The following NTRK3 variants were observed in gnomAD, a reference collection of about 807,000 sequenced individuals.
NTRK3 encodes NT-3 growth factor receptor.
Under a neutral mutation model 91.7 loss-of-function variants are expected in NTRK3, and 24 were observed. The observed-to-expected ratio is 0.26, with a 90% confidence interval of 0.19 to 0.37. The LOEUF is 0.37. NTRK3 is among the 10% of genes least tolerant of loss of function. The pLI, the probability that NTRK3 is intolerant of heterozygous loss-of-function variation, is 1.00. For synonymous variants in NTRK3, 483 were observed against 404.0 expected, an observed-to-expected ratio of 1.20 and a Z score of -2.34; for missense variants, 880 against 1,068.9, an observed-to-expected ratio of 0.82 and a Z score of 2.46.
At chr15:88,049,749 T>G (rs2080625109) in intron 13 of NTRK3, among the ~76,000 whole-genome samples, 1 of 152,226 alleles carries the variant, frequency 6.6e-6, no homozygotes, top group African/African-American at 2.4e-5. Context: ...GACACTGTGG[T>G]GCAGCTGAGG....
intron 13 of NTRK3, among the ~76,000 whole-genome samples, chr15:88,081,788 A>C (rs1427643754): frequency 1.3e-5 from 2 of 152,176 alleles, no homozygotes; most frequent in African/African-American, 4.8e-5. Flanking sequence ...AACAGCCCCC[A>C]ACCTCCAGGG....
chr15:88,006,796 A>G (rs952230949), intron 14 of NTRK3, among the ~76,000 whole-genome samples: 3 of 152,214 alleles, frequency 2.0e-5, no homozygotes, highest in Non-Finnish European at 2.9e-5. Flanking sequence ...AAATGCACAC[A>G]TGACATACAG....
chr15:88,134,321 A>G (rs1597500199), intron 10 of NTRK3, among the ~76,000 whole-genome samples: 1 of 152,326 alleles, frequency 6.6e-6, no homozygotes, highest in East Asian at 1.9e-4. Flanking sequence ...CTCCAACTTC[A>G]GGGAGATATT....
At chr15:87,954,371 T>C (rs16941068) in intron 14 of NTRK3, among the ~76,000 whole-genome samples, 5,187 of 152,292 alleles carry the variant, frequency 0.034, 308 homozygotes, top group African/African-American at 0.12. Flanking sequence ...GTATGGAGGC[T>C]GAATGACCAG....
rs572433976 is a variant in NTRK3 at position 88,168,349 on chromosome 15, G to A, written c.395+15069C>T. Among the ~76,000 whole-genome samples the A allele has an allele frequency of 2.6e-5, 4 of 152,192 alleles. No homozygotes were observed. In the South Asian group the frequency reaches 8.3e-4, roughly 32 times the overall value. ...GTCTGCACCAATGAGGGAGCCGGGG[G>A]AGAAGAAGAGTGGAGATGGGTGGGA... On this transcript the variant is annotated intron_variant, in intron 5 of 18. Coordinates refer to ENST00000394480, the Ensembl canonical transcript of NTRK3.
At chr15:87,920,774 G>C (rs772266236) in intron 17 of NTRK3, among the ~76,000 whole-genome samples, 2 of 152,104 alleles carry the variant, frequency 1.3e-5, no homozygotes, top group African/African-American at 2.4e-5. Context: ...GGCTCCTAAG[G>C]GTGCATCGAG....
chr15:88,002,947 C>CA (rs1440959516), intron 14 of NTRK3, among the ~76,000 whole-genome samples: 1 of 152,130 alleles, frequency 6.6e-6, no homozygotes, highest in Non-Finnish European at 1.5e-5. Context: ...TCCCAGACCT[C>CA]AAGTACCACT....
At chr15:87,994,874 G>A (rs1021798076) in intron 14 of NTRK3, among the ~76,000 whole-genome samples, 9 of 152,114 alleles carry the variant, frequency 5.9e-5, no homozygotes, top group African/African-American at 2.2e-4. Flanking sequence ...TTTAGATGTG[G>A]GCACTGGTAT....
chr15:88,015,802 G>A (rs1201051734), intron 14 of NTRK3, among the ~76,000 whole-genome samples: 1 of 152,076 alleles, frequency 6.6e-6, no homozygotes, highest in Non-Finnish European at 1.5e-5. Context: ...TTTTTCTCCT[G>A]CACTATGTTT....
At position 88,255,955 on chromosome 15, in the gene NTRK3, C is replaced by A. The variant is rs2054018291; in HGVS notation, c.199G>T (p.Gly67Trp). 6.2e-7 allele frequency: 1 copy of A among 1,613,380 alleles called. No individual in the cohort carries two copies. The highest frequency in any genetic ancestry group is 1.3e-5 in the African/African-American group (1 of 74,826). The change falls in exon 3 of 19, where the codon GGG becomes TGG. Residue 67 changes from glycine to tryptophan, a missense_variant. Around this residue, in one of 3 missense-constraint regions of NTRK3, gnomAD observed 743 missense variants for 868.6 expected, o/e 0.86. Transcript: ENST00000394480. The surrounding 1 kb of genome is among the most constrained non-coding windows in gnomAD (Gnocchi z 4.3). Reference sequence around the variant, plus strand: ...TCCGTGATGTTGATACTGGCGTTCCCATTGCTGTTCCCTGAATCCTGCCCT... The same window carrying A: ...TCCGTGATGTTGATACTGGCGTTCCAATTGCTGTTCCCTGAATCCTGCCCT...
intron 13 of NTRK3, among the ~76,000 whole-genome samples, chr15:88,045,737 C>T (rs766824584): frequency 1.8e-4 from 28 of 152,222 alleles, no homozygotes; most frequent in Non-Finnish European, 3.7e-4. Flanking sequence ...TTGGTGGCTG[C>T]CAATCCTTGT....
intron 3 of NTRK3, among the ~76,000 whole-genome samples, chr15:88,202,780 G>A (rs2048415878): frequency 6.6e-6 from 1 of 152,206 alleles, no homozygotes; most frequent in South Asian, 2.1e-4. Context: ...TGTGACCCAT[G>A]AGTCTTGTTT....
At chr15:87,967,204 GA>G (rs1200224062) in intron 14 of NTRK3, among the ~76,000 whole-genome samples, 1 of 152,172 alleles carries the variant, frequency 6.6e-6, no homozygotes, top group East Asian at 1.9e-4. Context: ...GTGGGTTTGT[GA>G]AATAATCCCA....
At position 88,233,176 on chromosome 15, in the gene NTRK3, C is replaced by A. The variant is rs1460175648; in HGVS notation, c.248+22730G>T. On this transcript the variant is annotated intron_variant, in intron 3 of 18. Coordinates refer to ENST00000394480, the Ensembl canonical transcript of NTRK3. The surrounding 1 kb of genome is among the most constrained non-coding windows in gnomAD (Gnocchi z 4.2). ...AGGCTATTTTCCTCTGGAGCTAAAG[C>A]CTGAATAAGCAAAAAGAAAAAATTA... 6.6e-6 allele frequency among the ~76,000 whole-genome samples: 1 copy of A among 152,116 alleles called. No homozygotes were observed. The highest frequency in any genetic ancestry group is 2.4e-5 in the African/African-American group (1 of 41,412).
intron 13 of NTRK3, among the ~76,000 whole-genome samples, chr15:88,116,087 C>T (rs533936928): frequency 1.3e-4 from 20 of 152,304 alleles, no homozygotes; most frequent in African/African-American, 4.6e-4. Context: ...TGAGCTTCTG[C>T]CCAGACTCCT....
intron 5 of NTRK3, among the ~76,000 whole-genome samples, chr15:88,180,203 T>C (rs1597797080): frequency 6.6e-6 from 1 of 152,342 alleles, no homozygotes; most frequent in Middle Eastern, 3.4e-3. Context: ...ACTTTTCAGA[T>C]TGGCATACAG....
At position 88,126,882 on chromosome 15, in the gene NTRK3, T is replaced by A. The variant is rs1834573; in HGVS notation, c.1293+280A>T. Among the ~76,000 whole-genome samples the A allele has an allele frequency of 0.33, 50,072 of 151,994 alleles. 8,761 individuals are homozygous for A. The highest frequency in any genetic ancestry group is 0.46 in the African/African-American group (19,016 of 41,418). On this transcript the variant is annotated intron_variant, in intron 12 of 18. Transcript: ENST00000394480. ...AACTTGGCCTTTTGTAGGAAACTTGTACAGTTAGCAGCCCCTGCAAATCAG... is the reference window on the plus strand; with the variant it reads ...AACTTGGCCTTTTGTAGGAAACTTGAACAGTTAGCAGCCCCTGCAAATCAG...
At chr15:88,009,588 A>G (rs1285253638) in intron 14 of NTRK3, among the ~76,000 whole-genome samples, 1 of 152,222 alleles carries the variant, frequency 6.6e-6, no homozygotes, top group Non-Finnish European at 1.5e-5. Flanking sequence ...AAAGAATGAT[A>G]CGCTCTGCAT....
At chr15:87,878,094 T>G (rs542302574) in intron 18 of NTRK3, among the ~76,000 whole-genome samples, 3 of 152,262 alleles carry the variant, frequency 2.0e-5, no homozygotes, top group African/African-American at 7.2e-5. Flanking sequence ...AGTTTTTAGG[T>G]TGGTTTTCAC....
Sources: gnomAD v4.1 joint callset for allele counts (sites outside exome capture counted in the v4.1 genomes callset) on GRCh38, gnomAD v4.1.1 for gene constraint, gnomAD v4.1.1 regional missense constraint, Gnocchi (gnomAD v3.1) non-coding constraint, MANE v1.5 for transcripts, NCBI Gene and HGNC (gene_info 2026-07-23, HGNC 2026-07-21) for gene names.